CSPP1: variants seen among roughly 807,000 people sequenced by gnomAD.
CSPP1 encodes centrosome and spindle pole associated protein 1, also known as centrosome and spindle pole-associated protein 1.
Under a neutral mutation model 164.4 loss-of-function variants are expected in CSPP1, and 126 were observed. That is an observed-to-expected ratio of 0.77 (90% CI 0.66 to 0.89). The LOEUF (loss-of-function observed/expected upper bound fraction) is 0.89. Ranked by LOEUF, CSPP1 falls within the 40% of genes least tolerant of loss-of-function variation. The probability of loss-of-function intolerance (pLI) is 0.00; values close to 1 mark genes in which losing one functional copy is unlikely to be tolerated. For missense variants in CSPP1, 1,395 were observed against 1,449.8 expected, an observed-to-expected ratio of 0.96 and a Z score of 0.61; for synonymous variants, 472 against 476.7, an observed-to-expected ratio of 0.99 and a Z score of 0.13.
intron 5 of CSPP1, among the ~76,000 whole-genome samples, chr8:67,092,343 C>T (rs1341207677): frequency 6.6e-6 from 1 of 152,104 alleles, no homozygotes; most frequent in Non-Finnish European, 1.5e-5. Context: ...GCACTGTACA[C>T]CTCTTGTAGT....
intron 15 of CSPP1, among the ~76,000 whole-genome samples, chr8:67,129,394 GA>G (rs1820752728): frequency 6.6e-6 from 1 of 152,038 alleles, no homozygotes; most frequent in East Asian, 1.9e-4. Context: ...TAAAATATTG[GA>G]ATTAATATGA....
At chr8:67,102,646 T>C (rs1814382913) in intron 7 of CSPP1, among the ~76,000 whole-genome samples, 2 of 152,190 alleles carry the variant, frequency 1.3e-5, no homozygotes, top group Admixed American at 6.5e-5. Context: ...TGAATTTTGA[T>C]TTAAAAAATG....
At chr8:67,118,509 C>A in intron 14 of CSPP1, 140 bp downstream of exon 14, 1 of 868,488 alleles carries the variant, frequency 1.2e-6, no homozygotes, top group Non-Finnish European at 1.8e-6. Flanking sequence ...TTAATAAATG[C>A]CCTATTTTAA....
chr8:67,068,763 A>G (rs897525561), intron 1 of CSPP1, among the ~76,000 whole-genome samples: 2 of 152,260 alleles, frequency 1.3e-5, no homozygotes, highest in Non-Finnish European at 2.9e-5. Context: ...AAGATAAACT[A>G]TTGTACAGAA....
At chr8:67,081,679 C>A (rs902972283) in intron 3 of CSPP1, among the ~76,000 whole-genome samples, 7 of 152,072 alleles carry the variant, frequency 4.6e-5, no homozygotes. Context: ...TTAAATGCTC[C>A]CATTAATCTT....
intron 18 of CSPP1, 94 bp from the exon 19 acceptor site, chr8:67,153,930 A>G (rs557679561): frequency 3.6e-6 from 2 of 552,272 alleles, no homozygotes; most frequent in Non-Finnish European, 6.4e-6. Context: ...TTTTTTTTTT[A>G]AAAATGAATT....
rs143254628 is a variant in CSPP1, at chr8:67,066,241, A to G, written c.-11+1703A>G. 4.4e-3 allele frequency among the ~76,000 whole-genome samples: 675 copies of G among 152,218 alleles called. 9 individuals are homozygous for G. Among genetic ancestry groups the G allele is most frequent in the African/African-American group, 0.015 (640 of 41,514 alleles). On this transcript the variant is annotated intron_variant, in intron 1 of 30. Transcript: ENST00000678616. ...CAGCAACAGTATTTACATCTTAGCA[A>G]TATTTAGGGAAATTTGTCAAAATTT...
intron 6 of CSPP1, among the ~76,000 whole-genome samples, chr8:67,093,983 G>A (rs1200974737): frequency 6.6e-6 from 1 of 151,162 alleles, no homozygotes. Flanking sequence ...AGCCGGACAT[G>A]GTGGCAGGTG....
intron 30 of CSPP1, among the ~76,000 whole-genome samples, chr8:67,194,718 G>C (rs967618158): frequency 1.3e-5 from 2 of 151,058 alleles, no homozygotes; most frequent in Non-Finnish European, 2.9e-5. Context: ...GATATCACAG[G>C]GTAGGAAGAC....
intron 17 of CSPP1, among the ~76,000 whole-genome samples, chr8:67,140,589 A>G (rs777817307): frequency 5.9e-5 from 9 of 152,250 alleles, no homozygotes; most frequent in Non-Finnish European, 1.3e-4. Flanking sequence ...GAAAAACACT[A>G]GTTTTCCATT....
intron 4 of CSPP1, among the ~76,000 whole-genome samples, chr8:67,086,607 A>G (rs1810451837): frequency 6.6e-6 from 1 of 152,150 alleles, no homozygotes; most frequent in South Asian, 2.1e-4. Context: ...TAAATTATAT[A>G]ATGGCCAAAG....
In CSPP1 at chr8:67,118,319, C is replaced by A. The variant is rs375900507; in HGVS notation, c.1568C>A (p.Ala523Glu). 147 of 1,613,118 alleles carry A rather than the reference C, an allele frequency of 9.1e-5. No homozygotes were observed. Among genetic ancestry groups the A allele is most frequent in the South Asian group, 5.7e-4 (52 of 91,062 alleles). Reference protein sequence around the residue: ...ATNYRTPYDDAYYFYGSRNTF... With the variant: ...ATNYRTPYDDEYYFYGSRNTF... ...AACTATCGAACTCCTTATGATGATG[C>A]ATACTATTTTTATGGGTCCAGGAAT... is the stretch of plus-strand genomic sequence containing the variant. Residue 523 changes from alanine to glutamate, a missense_variant, in exon 14 of 31, where the codon GCA (alanine) becomes GAA (glutamate). Coordinates refer to ENST00000678616, the MANE Select transcript of CSPP1 (RefSeq NM_001382391.1).
intron 15 of CSPP1, among the ~76,000 whole-genome samples, chr8:67,127,634 C>T (rs73693124): frequency 0.13 from 19,440 of 152,174 alleles, 2,468 homozygotes; most frequent in African/African-American, 0.33. Context: ...ATTGCTTTAA[C>T]GGAGTAGCAG....
intron 3 of CSPP1, among the ~76,000 whole-genome samples, chr8:67,082,329 C>A (rs569267822): frequency 6.6e-6 from 1 of 152,178 alleles, no homozygotes; most frequent in African/African-American, 2.4e-5. Context: ...GGATTACAGG[C>A]GTGACCCACA....
Position 67,196,212 on chromosome 8 carries a change from C to T in CSPP1, c.*619C>T, listed in dbSNP as rs1837906683. On this transcript the variant is annotated 3_prime_UTR_variant, in exon 31 of 31. Transcript: ENST00000678616. Reference sequence around the variant, plus strand: ...AAGGCATTTGTCTTGTTACTAATTACATGATGTAACTACTTCTTGATATAA... The same window carrying T: ...AAGGCATTTGTCTTGTTACTAATTATATGATGTAACTACTTCTTGATATAA... 6.6e-6 allele frequency: 1 copy of T among 152,236 alleles called. No individual in the cohort carries two copies. Among genetic ancestry groups the T allele is most frequent in the Non-Finnish European group, 1.5e-5 (1 of 68,064 alleles). The allele number at this position is 152,236 out of a possible 1,614,324, so 9.4% of individuals were successfully genotyped here. A position where few individuals can be genotyped will look rare whatever the true frequency, so the allele number is the denominator to read the frequency against.
intron 17 of CSPP1, among the ~76,000 whole-genome samples, chr8:67,148,493 T>C (rs1825064482): frequency 6.6e-6 from 1 of 152,228 alleles, no homozygotes; most frequent in Admixed American, 6.5e-5. Context: ...TTCCTACTTA[T>C]CTTCATCTGT....
chr8:67,167,593 G>A (rs1157786704), intron 24 of CSPP1, among the ~76,000 whole-genome samples: 28 of 138,372 alleles, frequency 2.0e-4, no homozygotes, highest in Non-Finnish European at 3.6e-4. Context: ...GGCAGCTGCC[G>A]GGCGGAGGGG....
At chr8:67,136,313 T>C (rs560046058) in intron 16 of CSPP1, among the ~76,000 whole-genome samples, 27 of 152,184 alleles carry the variant, frequency 1.8e-4, no homozygotes, top group African/African-American at 6.5e-4. Context: ...GGCTCACGCC[T>C]GTAATCCCAG....
At chr8:67,108,394 C>T in intron 9 of CSPP1, among the ~76,000 whole-genome samples, 1 of 150,288 alleles carries the variant, frequency 6.7e-6, no homozygotes, top group Non-Finnish European at 1.5e-5. Flanking sequence ...AGAGTAAGAC[C>T]CTGTGTCAAA....
Sources: allele counts gnomAD v4.1 joint callset (sites outside exome capture counted in the v4.1 genomes callset), GRCh38; gene constraint gnomAD v4.1.1; transcripts MANE v1.5; gene names NCBI Gene and HGNC (gene_info 2026-07-23, HGNC 2026-07-21).